PXDNL: variants seen among roughly 807,000 people sequenced by gnomAD.
PXDNL encodes peroxidasin like, also known as probable oxidoreductase PXDNL.
In PXDNL, 145 loss-of-function variants were observed where a neutral mutation model predicts 150.8. That is an observed-to-expected ratio of 0.96 (90% CI 0.84 to 1.10). PXDNL has a LOEUF of 1.10. Among genes scored for constraint, PXDNL ranks in the 50% least tolerant of loss-of-function variants. PXDNL has a pLI of 0.00. For synonymous variants in PXDNL, 757 were observed against 725.7 expected (o/e 1.04, Z -0.69); for missense variants, 2,087 against 1,873.9 (o/e 1.11, Z -2.10).
intron 17 of PXDNL, among the ~76,000 whole-genome samples, chr8:51,378,973 C>T (rs2130804462): frequency 1.3e-5 from 2 of 152,342 alleles, no homozygotes; most frequent in East Asian, 3.9e-4. Context: ...CAATTCTGGA[C>T]ACACAATCAC....
At chr8:51,434,739 A>T (rs1809348657) in intron 12 of PXDNL, among the ~76,000 whole-genome samples, 1 of 152,202 alleles carries the variant, frequency 6.6e-6, no homozygotes, top group Non-Finnish European at 1.5e-5. Context: ...CCCCCAAATT[A>T]TGATAATCAT....
At chr8:51,632,551 A>G (rs563774954) in intron 2 of PXDNL, among the ~76,000 whole-genome samples, 10 of 152,194 alleles carry the variant, frequency 6.6e-5, no homozygotes, top group Non-Finnish European at 1.5e-4. Flanking sequence ...GCAGTGAACT[A>G]TGATTGCATT....
chr8:51,509,759 CACACACACACACACAAATATAT>C (rs1811371524), intron 4 of PXDNL, among the ~76,000 whole-genome samples: 1 of 149,494 alleles, frequency 6.7e-6, no homozygotes, highest in Non-Finnish European at 1.5e-5. Context: ...CACACACACA[CACACACACACACACAAATATAT>C]ACACACACAC....
chr8:51,536,497 G>C (rs919030012), intron 4 of PXDNL, among the ~76,000 whole-genome samples: 1 of 152,188 alleles, frequency 6.6e-6, no homozygotes, highest in African/African-American at 2.4e-5. Context: ...GGTAATGAAG[G>C]CGTGGAGGGG....
At chr8:51,720,322 T>A (rs1472087232) in intron 1 of PXDNL, among the ~76,000 whole-genome samples, 1 of 152,088 alleles carries the variant, frequency 6.6e-6, no homozygotes. Context: ...TGTTTAATAC[T>A]CAGTAATTTT....
At chr8:51,696,753 C>CACATACACAGGCCCA (rs1402646727) in intron 1 of PXDNL, among the ~76,000 whole-genome samples, 1 of 1,638 alleles carries the variant, frequency 6.1e-4, no homozygotes, top group Non-Finnish European at 1.2e-3. Flanking sequence ...ACATACCCAC[C>CACATACACAGGCCCA]CACACATAGG....
chr8:51,663,747 G>A (rs7835028), intron 1 of PXDNL, among the ~76,000 whole-genome samples: 18,290 of 152,112 alleles, frequency 0.12, 1,890 homozygotes, highest in African/African-American at 0.27. Context: ...CTCTCTTACA[G>A]GTCAGAGAGC....
At chr8:51,756,666 T>G (rs937863349) in intron 1 of PXDNL, among the ~76,000 whole-genome samples, 4 of 152,160 alleles carry the variant, frequency 2.6e-5, no homozygotes, top group African/African-American at 9.6e-5. Flanking sequence ...TTTAGATGTA[T>G]CACATGAAAT....
chr8:51,663,561 C>T lies in PXDNL; in HGVS notation c.165-8801G>A, dbSNP rs147802068. 5.0e-3 allele frequency among the ~76,000 whole-genome samples: 759 copies of T among 152,270 alleles called. 4 individuals are homozygous for T. The highest frequency in any genetic ancestry group is 0.014 in the Middle Eastern group (4 of 294). The stretch of plus-strand genomic sequence containing the variant: ...AGCGTTGACAGGGGTATGCGGCCAC[C>T]TTCTCCAGATCATTAAAAGCATCTG... On this transcript the variant is annotated intron_variant, in intron 1 of 22. Coordinates refer to ENST00000356297, the MANE Select transcript of PXDNL (RefSeq NM_144651.5).
At chr8:51,497,220 C>G (rs1811072532) in intron 5 of PXDNL, among the ~76,000 whole-genome samples, 1 of 152,144 alleles carries the variant, frequency 6.6e-6, no homozygotes, top group African/African-American at 2.4e-5. Context: ...GCTGGGAAAA[C>G]TGGCTAGCCA....
intron 4 of PXDNL, among the ~76,000 whole-genome samples, chr8:51,547,450 A>G (rs1812386316): frequency 6.6e-6 from 1 of 152,088 alleles, no homozygotes; most frequent in African/African-American, 2.4e-5. Context: ...TCACTTCCCC[A>G]CAACCTCCAC....
chr8:51,632,430 G>A (rs1055239531), intron 2 of PXDNL, among the ~76,000 whole-genome samples: 1 of 152,006 alleles, frequency 6.6e-6, no homozygotes, highest in Non-Finnish European at 1.5e-5. Flanking sequence ...GCAAAATCTT[G>A]TCTCTACAAA....
At chr8:51,469,664 T>C (rs1422443405) in intron 8 of PXDNL, among the ~76,000 whole-genome samples, 2 of 152,108 alleles carry the variant, frequency 1.3e-5, no homozygotes, top group Non-Finnish European at 2.9e-5. Flanking sequence ...ATGGGTAGCT[T>C]CTGAGTTGGG....
chr8:51,565,682 TC>T (rs1426179804), intron 3 of PXDNL, among the ~76,000 whole-genome samples: 1 of 151,878 alleles, frequency 6.6e-6, no homozygotes. Flanking sequence ...ATAATTTGTC[TC>T]ATGCAAAAAA....
At chr8:51,364,783 T>C (rs972162433) in intron 19 of PXDNL, among the ~76,000 whole-genome samples, 4 of 152,208 alleles carry the variant, frequency 2.6e-5, no homozygotes, top group African/African-American at 7.2e-5. Context: ...AGAAAATTAA[T>C]AGGAAGACTT....
chr8:51,709,873 CTA>C (rs1237691952), intron 1 of PXDNL, among the ~76,000 whole-genome samples: 1 of 152,086 alleles, frequency 6.6e-6, no homozygotes, highest in Non-Finnish European at 1.5e-5. Flanking sequence ...TGCACATTAT[CTA>C]TGTGAAATTT....
At chr8:51,406,507 T>C (rs549410825) in intron 17 of PXDNL, among the ~76,000 whole-genome samples, 2 of 152,322 alleles carry the variant, frequency 1.3e-5, no homozygotes, top group East Asian at 3.9e-4. Context: ...TTCCCTTGCA[T>C]GGCACACAGC....
chr8:51,674,632 G>T (rs1335343650), intron 1 of PXDNL, among the ~76,000 whole-genome samples: 2 of 152,214 alleles, frequency 1.3e-5, no homozygotes, highest in Non-Finnish European at 2.9e-5. Flanking sequence ...TGGCATTGGT[G>T]TGGCTATTGG....
intron 1 of PXDNL, among the ~76,000 whole-genome samples, chr8:51,751,047 T>G (rs1160145819): frequency 6.8e-6 from 1 of 147,258 alleles, no homozygotes; most frequent in Non-Finnish European, 1.5e-5. Flanking sequence ...TTTTGAAAAG[T>G]TTTAATTTTT....
Sources: gnomAD v4.1 joint callset for allele counts (sites outside exome capture counted in the v4.1 genomes callset) on GRCh38, gnomAD v4.1.1 for gene constraint, MANE v1.5 for transcripts, NCBI Gene and HGNC (gene_info 2026-07-23, HGNC 2026-07-21) for gene names.